Variants in JADE2 observed in about 807,000 individuals in gnomAD.
JADE2 encodes the protein E3 ubiquitin-protein ligase Jade-2.
In JADE2, 13 loss-of-function variants were observed where a neutral mutation model predicts 85.7. The ratio of observed to expected loss-of-function variants is 0.15; its 90% CI spans 0.10 to 0.24. The LOEUF (loss-of-function observed/expected upper bound fraction) is 0.24, where lower values mean the gene tolerates loss of function less well. JADE2 is among the 10% of genes least tolerant of loss of function. The pLI is 1.00. For missense variants in JADE2, 846 were observed against 1,115.9 expected, an observed-to-expected ratio of 0.76 and a Z score of 3.45; for synonymous variants, 440 against 456.1, an observed-to-expected ratio of 0.96 and a Z score of 0.45.
chr5:134,566,490 C>A lies in JADE2; in HGVS notation c.1344C>A (p.Thr448=), dbSNP rs200711315. 6.2e-7 allele frequency: 1 copy of A among 1,611,790 alleles called. No individual in the cohort carries two copies. The highest frequency in any genetic ancestry group is 8.5e-7 in the Non-Finnish European group (1 of 1,179,124). ...ACCAGCCGCTGCTGACCCCCAAGAC[C>A]GACGAGGTGGACAACCTGGCCCAGC... ...NANQPLLTPK[T]DEVDNLAQQE... The change falls in exon 9 of 12, where the codon ACC becomes ACA. Residue 448 remains threonine, a synonymous_variant. Coordinates refer to ENST00000681547, the MANE Select transcript of JADE2 (RefSeq NM_001388185.1). The surrounding 1 kb of genome is among the most constrained non-coding windows in gnomAD (Gnocchi z 6.7).
rs1761384991 is a variant in JADE2 at position 134,533,598 on chromosome 5, C to T, written c.1-2260C>T. On this transcript the variant is annotated intron_variant, in intron 1 of 11. Coordinates refer to ENST00000681547, the MANE Select transcript of JADE2 (RefSeq NM_001388185.1). ...GATTGCAAAAGAAAATGGGTGGGTG[C>T]ACTTTTAGCACCTCCCCCCCACTCC... 5.1e-6 allele frequency: 5 copies of T among 984,598 alleles called. No individual in the cohort carries two copies. In the South Asian group the frequency reaches 1.9e-4, roughly 37 times the overall value. 61.0% of individuals were successfully genotyped at this position (984,598 alleles called of 1,614,324 possible).
chr5:134,531,903 T>TC (rs1403906362), intron 1 of JADE2, among the ~76,000 whole-genome samples: 5 of 136,100 alleles, frequency 3.7e-5, no homozygotes, highest in African/African-American at 1.1e-4. Context: ...TTTTTTTTTT[T>TC]TTTTTTTTTT....
At chr5:134,527,912 T>G (rs890259692) in intron 1 of JADE2, among the ~76,000 whole-genome samples, 1 of 152,012 alleles carries the variant, frequency 6.6e-6, no homozygotes, top group Admixed American at 6.5e-5. Flanking sequence ...TTTCCAAACC[T>G]CGCCGCTGCG....
At chr5:134,530,058 G>GC (rs1443920966) in intron 1 of JADE2, among the ~76,000 whole-genome samples, 3 of 152,244 alleles carry the variant, frequency 2.0e-5, no homozygotes, top group African/African-American at 7.2e-5. Context: ...CCAGGCAGCA[G>GC]CCCTCTACTC....
At chr5:134,531,832 A>G (rs1581390877) in intron 1 of JADE2, among the ~76,000 whole-genome samples, 1 of 125,268 alleles carries the variant, frequency 8.0e-6, no homozygotes, top group Non-Finnish European at 1.6e-5. Flanking sequence ...TGATCCACCC[A>G]CTTTGGTCTC....
chr5:134,539,030 A>G (rs1761782898), intron 3 of JADE2, among the ~76,000 whole-genome samples: 1 of 88,198 alleles, frequency 1.1e-5, no homozygotes, highest in South Asian at 4.3e-4. Context: ...TAATTTTTGT[A>G]TTTTTATTTT....
rs769963513 is a variant in JADE2, at chr5:134,579,358, C to A, written c.*41C>A. ...GTCCCAGGCCCTGCCCTGGTCCCCC[C>A]ACAAGGCCTCAGCCCAGTCACAACT... On this transcript the variant is annotated 3_prime_UTR_variant, in exon 12 of 12. Transcript: ENST00000681547. This position sits in a 1 kb window ranked among gnomAD's most constrained non-coding sequence, Gnocchi z 4.6. The A allele has an allele frequency of 1.2e-5, 17 of 1,456,496 alleles. No individual in the cohort carries two copies. The highest frequency in any genetic ancestry group is 8.5e-5 in the Admixed American group (4 of 47,174). 90.2% of individuals were successfully genotyped at this position (1,456,496 alleles called of 1,614,324 possible).
rs763319586 is a variant in JADE2, at chr5:134,564,540, C to G, written c.899C>G (p.Ser300Trp). The G allele has an allele frequency of 3.8e-6, 6 of 1,584,262 alleles. No individual in the cohort carries two copies. The highest frequency in any genetic ancestry group is 1.2e-5 in the South Asian group (1 of 86,588). Residue 300 changes from serine to tryptophan, a missense_variant, in exon 8 of 12, where the codon TCG (serine) becomes TGG (tryptophan). This residue lies in a region of JADE2 where 129 missense variants were observed against 255.4 expected (regional missense o/e 0.51). Coordinates refer to ENST00000681547, the MANE Select transcript of JADE2 (RefSeq NM_001388185.1). ...AAGATGGAGCCCATCACCAAGATCT[C>G]GCATATCCCAGCCAGCCGCTGGGCT... ...PEKMEPITKI[S>W]HIPASRWALS...
intron 3 of JADE2, among the ~76,000 whole-genome samples, chr5:134,548,376 G>C (rs1762416765): frequency 6.6e-6 from 1 of 152,154 alleles, no homozygotes; most frequent in Non-Finnish European, 1.5e-5. Flanking sequence ...CGAGTCCCAG[G>C]TTTCTCAACT....
intron 4 of JADE2, among the ~76,000 whole-genome samples, chr5:134,554,608 G>A (rs1253805356): frequency 2.0e-5 from 3 of 152,186 alleles, no homozygotes; most frequent in Admixed American, 6.5e-5. Context: ...TTGACTTTAC[G>A]AGGTGCATTC....
intron 4 of JADE2, among the ~76,000 whole-genome samples, chr5:134,557,234 T>G (rs55829840): frequency 0.2 from 30,116 of 150,854 alleles, 3,210 homozygotes; most frequent in East Asian, 0.35. Flanking sequence ...TATTATTTTT[T>G]TTGTTGTTGT....
rs1184315506 is a variant in JADE2 at position 134,562,764 on chromosome 5, AAAAAC to A, written c.852+411_852+415del. Among the ~76,000 whole-genome samples, 2 of 152,128 alleles carry A rather than the reference AAAAAC, an allele frequency of 1.3e-5. No homozygotes were observed. Among genetic ancestry groups the A allele is most frequent in the South Asian group, 2.1e-4 (1 of 4,812 alleles). On this transcript the variant is annotated intron_variant, in intron 7 of 11. Transcript: ENST00000681547. This position sits in a 1 kb window ranked among gnomAD's most constrained non-coding sequence, Gnocchi z 4.6. ...GGGTGACAGAGCAAGACTCCGTCTG[AAAAAC>A]AAAACAAAACAAAGCACACACTGGG... is the stretch of plus-strand genomic sequence containing the variant.
In JADE2 at chr5:134,533,736, CTTTTTTTTTTTTT is replaced by C. The variant is rs70976536; in HGVS notation, c.1-2106_1-2094del. On this transcript the variant is annotated intron_variant, in intron 1 of 11. Coordinates refer to ENST00000681547, the MANE Select transcript of JADE2 (RefSeq NM_001388185.1). ...TCAGTCAGCCTTTGTCACACTCTCT[CTTTTTTTTTTTTT>C]TTTTTTTTTTTTTTTGAGATAAGGT... 1.5e-3 allele frequency: 166 copies of C among 112,796 alleles called. 4 individuals are homozygous for C. The highest frequency in any genetic ancestry group is 4.4e-3 in the Middle Eastern group (1 of 226). 7.0% of individuals were successfully genotyped at this position (112,796 alleles called of 1,614,324 possible).
intron 3 of JADE2, chr5:134,544,432 C>T (rs568396016): frequency 6.0e-6 from 1 of 167,010 alleles, no homozygotes; most frequent in Non-Finnish European, 1.5e-5. Context: ...GCCTCAGAGC[C>T]CTTATCATAG....
intron 1 of JADE2, among the ~76,000 whole-genome samples, chr5:134,529,203 C>A (rs1466637387): frequency 1.3e-5 from 2 of 152,194 alleles, no homozygotes; most frequent in Non-Finnish European, 2.9e-5. Context: ...CACAGTTCTC[C>A]CTTTAGGTTC....
At chr5:134,542,924 G>A (rs1762059343) in intron 3 of JADE2, among the ~76,000 whole-genome samples, 2 of 151,864 alleles carry the variant, frequency 1.3e-5, no homozygotes, top group South Asian at 4.1e-4. Context: ...GTAGAGACGG[G>A]GTTTAGCCAT....
At chr5:134,526,444 G>T in intron 1 of JADE2, 1 of 985,172 alleles carries the variant, frequency 1.0e-6, no homozygotes, top group Middle Eastern at 5.2e-4. Flanking sequence ...TGGGGAGGTC[G>T]AGCGGCCCGG....
At chr5:134,536,804 G>T (rs967526776) in intron 2 of JADE2, 3 of 152,296 alleles carry the variant, frequency 2.0e-5, no homozygotes, top group Non-Finnish European at 4.4e-5. Flanking sequence ...CGGGCTTGGA[G>T]CTGTGCAACT....
At chr5:134,551,431 G>A (rs1468201485) in intron 3 of JADE2, among the ~76,000 whole-genome samples, 4 of 151,534 alleles carry the variant, frequency 2.6e-5, no homozygotes, top group East Asian at 3.9e-4. Flanking sequence ...GTTTCACCAT[G>A]TTGCCCAGAC....
Sources: gnomAD v4.1 joint callset for allele counts (sites outside exome capture counted in the v4.1 genomes callset) on GRCh38, gnomAD v4.1.1 for gene constraint, gnomAD v4.1.1 regional missense constraint, Gnocchi (gnomAD v3.1) non-coding constraint, MANE v1.5 for transcripts, NCBI Gene and HGNC (gene_info 2026-07-23, HGNC 2026-07-21) for gene names.